BLMH: variants seen among roughly 807,000 people sequenced by gnomAD.
The protein encoded by BLMH is BLM hydrolase.
BLMH carries 32 observed loss-of-function variants against 61.6 expected under a neutral mutation model. The observed-to-expected ratio is 0.52, with a 90% CI of 0.39 to 0.70. The LOEUF (loss-of-function observed/expected upper bound fraction) is 0.70. Ranked by LOEUF, BLMH falls within the 30% of genes least tolerant of loss-of-function variation. BLMH has a pLI of 0.00. For synonymous variants in BLMH, 183 were observed against 193.8 expected (o/e 0.94, Z 0.46); for missense variants, 460 against 555.5 (o/e 0.83, Z 1.73).
intron 11 of BLMH, among the ~76,000 whole-genome samples, chr17:30,251,396 CCA>C (rs2143019246): frequency 6.6e-6 from 1 of 152,162 alleles, no homozygotes; most frequent in East Asian, 1.9e-4. Flanking sequence ...GGCTGCTGGG[CCA>C]CAGACAGAAC....
intron 5 of BLMH, 163 bp from the exon 6 acceptor site, chr17:30,285,643 C>G (rs1030437199): frequency 6.1e-6 from 3 of 487,946 alleles, no homozygotes; most frequent in African/African-American, 6.0e-5. Flanking sequence ...CACTTAAACA[C>G]ATAGCTAAAA....
chr17:30,263,132 A>G (rs552394526), intron 11 of BLMH, among the ~76,000 whole-genome samples: 4 of 152,200 alleles, frequency 2.6e-5, no homozygotes, highest in Non-Finnish European at 5.9e-5. Context: ...ACGACATGCT[A>G]CTAGAACAGG....
In BLMH at chr17:30,271,317, T is replaced by C. The variant is rs1167194440; in HGVS notation, c.1100A>G (p.Glu367Gly). The C allele has an allele frequency of 1.2e-6, 2 of 1,614,012 alleles. No homozygotes were observed. The highest frequency in any genetic ancestry group is 2.2e-5 in the East Asian group (1 of 44,900). The change falls in exon 10 of 12, where the codon GAG becomes GGG. Residue 367 changes from glutamate to glycine, a missense_variant. By Grantham distance (98) the Glu-to-Gly change is moderately conservative. Transcript: ENST00000261714. ...MNKAERLTFG[E>G]SLMTHAMTFT... ...GGTCATGGCGTGGGTCATAAGTGAC[T>C]CACCAAAAGTCAGCCTCTCCGCTTT...
chr17:30,275,959 T>C (rs1203762909), intron 6 of BLMH, among the ~76,000 whole-genome samples: 5 of 152,194 alleles, frequency 3.3e-5, no homozygotes, highest in African/African-American at 2.4e-5. Flanking sequence ...CTAGATACTA[T>C]GTATTTGCTA....
intron 6 of BLMH, among the ~76,000 whole-genome samples, chr17:30,282,882 C>T (rs959996357): frequency 1.3e-5 from 2 of 152,196 alleles, no homozygotes; most frequent in Non-Finnish European, 2.9e-5. Flanking sequence ...ATACACAGGG[C>T]CAGGTATGGC....
At chr17:30,283,768 C>A (rs1211623689) in intron 6 of BLMH, among the ~76,000 whole-genome samples, 1 of 152,090 alleles carries the variant, frequency 6.6e-6, no homozygotes, top group Non-Finnish European at 1.5e-5. Flanking sequence ...GATCCGCCCA[C>A]CTTGGCCTCC....
At position 30,272,859 on chromosome 17, in the gene BLMH, T is replaced by C. The variant is rs542996699; in HGVS notation, c.842A>G (p.Asn281Ser). 3 of 1,614,140 alleles carry C rather than the reference T, an allele frequency of 1.9e-6. No homozygotes were observed. Among genetic ancestry groups the C allele is most frequent in the African/African-American group, 2.7e-5 (2 of 75,028 alleles). ...VNDPRPQHKY[N>S]KLYTVEYLSN... The stretch of plus-strand genomic sequence containing the variant: ...TAAGTATTCCACTGTGTAAAGTTTG[T>C]TGTACTTGTGCTGGGGCCTAGGGTC... The change falls in exon 8 of 12, where the codon AAC (asparagine) becomes AGC (serine). Residue 281 changes from asparagine (N) to serine (S), a missense_variant. Physicochemically the swap from Asn to Ser is conservative, Grantham distance 46 (BLOSUM62 1). Around this residue, in one of 5 missense-constraint regions of BLMH, gnomAD observed 310 missense variants for 371.1 expected, o/e 0.84. Transcript: ENST00000261714.
chr17:30,284,863 C>T (rs1908686325), intron 6 of BLMH, among the ~76,000 whole-genome samples: 1 of 152,194 alleles, frequency 6.6e-6, no homozygotes, highest in Non-Finnish European at 1.5e-5. Flanking sequence ...GTTTATGGCA[C>T]TGTTCATACA....
intron 1 of BLMH, 133 bp downstream of exon 1, chr17:30,291,674 G>T: frequency 7.3e-7 from 1 of 1,375,410 alleles, no homozygotes; most frequent in Non-Finnish European, 9.6e-7. Flanking sequence ...CCTCCAGGCC[G>T]ATCCAGCCTG....
chr17:30,278,676 G>C (rs1003944689), intron 6 of BLMH, among the ~76,000 whole-genome samples: 1 of 150,928 alleles, frequency 6.6e-6, no homozygotes, highest in African/African-American at 2.4e-5. Context: ...CTTTTTTTGT[G>C]GGGGGGAGCG....
intron 9 of BLMH, chr17:30,271,620 C>A: frequency 2.7e-6 from 1 of 364,344 alleles, no homozygotes; most frequent in Non-Finnish European, 5.0e-6. Flanking sequence ...GATGATTAAA[C>A]ATAAATTCTC....
At chr17:30,275,541 C>G (rs556201583) in intron 6 of BLMH, among the ~76,000 whole-genome samples, 1 of 152,062 alleles carries the variant, frequency 6.6e-6, no homozygotes, top group Admixed American at 6.5e-5. Flanking sequence ...AAAAAACTAG[C>G]TGGGCATGGT....
chr17:30,268,020 C>T (rs868264135), intron 10 of BLMH, among the ~76,000 whole-genome samples: 1 of 152,208 alleles, frequency 6.6e-6, no homozygotes, highest in South Asian at 2.1e-4. Context: ...AAGTTTCACA[C>T]ACCCTTACCT....
Position 30,286,829 on chromosome 17 carries a change from A to G in BLMH, c.537T>C (p.Asp179=). ...YTTEATRRMN[D]ILNHKMREFC... Reference sequence around the variant, plus strand: ...TATATTGTACCTTGTGATTCAGAATATCATTCATCCTTCTGGTTGCCTCTG... The same window carrying G: ...TATATTGTACCTTGTGATTCAGAATGTCATTCATCCTTCTGGTTGCCTCTG... Residue 179 remains aspartate, a synonymous_variant, in exon 5 of 12, where the codon GAT becomes GAC. Coordinates refer to ENST00000261714, the MANE Select transcript of BLMH (RefSeq NM_000386.4). 1.9e-6 allele frequency: 3 copies of G among 1,587,546 alleles called. No homozygotes were observed. Among genetic ancestry groups the G allele is most frequent in the Non-Finnish European group, 2.6e-6 (3 of 1,156,104 alleles).
intron 11 of BLMH, among the ~76,000 whole-genome samples, chr17:30,251,794 T>C (rs1907673772): frequency 6.6e-6 from 1 of 152,260 alleles, no homozygotes; most frequent in Non-Finnish European, 1.5e-5. Context: ...GCCCTGCCCT[T>C]TACATTCTTA....
At chr17:30,258,379 C>T (rs934007561) in intron 11 of BLMH, among the ~76,000 whole-genome samples, 1 of 152,092 alleles carries the variant, frequency 6.6e-6, no homozygotes, top group African/African-American at 2.4e-5. Flanking sequence ...AAACCATTTG[C>T]TGATAAAAGA....
rs768828157 is a variant in BLMH, at chr17:30,248,855, C to G, written c.*162G>C. ...TTCCTTTAACAGTATTCTGTTTCAGCATAAAGCACACTTTCTGAAGAGGTT... is the reference window on the plus strand; with the variant it reads ...TTCCTTTAACAGTATTCTGTTTCAGGATAAAGCACACTTTCTGAAGAGGTT... On this transcript the variant is annotated 3_prime_UTR_variant, in exon 12 of 12. Coordinates refer to ENST00000261714, the MANE Select transcript of BLMH (RefSeq NM_000386.4). 1.2e-6 allele frequency: 1 copy of G among 838,194 alleles called. No homozygotes were observed. Among genetic ancestry groups the G allele is most frequent in the Non-Finnish European group, 1.9e-6 (1 of 537,848 alleles). The allele number at this position is 838,194 out of a possible 1,614,324, so 51.9% of individuals were successfully genotyped here.
In BLMH at chr17:30,266,965, G is replaced by C. The variant is rs1443053256; in HGVS notation, c.1147-11C>G. ...ACCATCCTGATCATCCTGCAAAAAAGTGGATGATGGTGAGTAGTCTGAAGC... is the reference window on the plus strand; with the variant it reads ...ACCATCCTGATCATCCTGCAAAAAACTGGATGATGGTGAGTAGTCTGAAGC... On this transcript the variant is annotated splice_polypyrimidine_tract_variant and intron_variant, in intron 10 of 11. Transcript: ENST00000261714. The C allele has an allele frequency of 6.2e-7, 1 of 1,613,348 alleles. No homozygotes were observed. Among genetic ancestry groups the C allele is most frequent in the South Asian group, 1.1e-5 (1 of 91,068 alleles).
chr17:30,284,128 AC>A (rs1487736508), intron 6 of BLMH, among the ~76,000 whole-genome samples: 1 of 152,232 alleles, frequency 6.6e-6, no homozygotes, highest in Non-Finnish European at 1.5e-5. Context: ...TTCCTACTAT[AC>A]TAAGATGCCT....
Sources: gnomAD v4.1 joint callset for allele counts (sites outside exome capture counted in the v4.1 genomes callset) on GRCh38, gnomAD v4.1.1 for gene constraint, gnomAD v4.1.1 regional missense constraint, MANE v1.5 for transcripts, NCBI Gene and HGNC (gene_info 2026-07-23, HGNC 2026-07-21) for gene names.